The following UBXN7 variants were observed in gnomAD, a reference collection of about 807,000 sequenced individuals.
UBXN7 encodes UBX domain-containing protein 7.
Under a neutral mutation model 58.0 loss-of-function variants are expected in UBXN7, and 9 were observed. The observed-to-expected ratio is 0.16, with a 90% CI of 0.09 to 0.27. The LOEUF is 0.27. Ranked by LOEUF, UBXN7 falls within the 10% of genes least tolerant of loss-of-function variation. The pLI, the probability that UBXN7 is intolerant of heterozygous loss-of-function variation, is 1.00. For synonymous variants in UBXN7, 208 were observed against 205.0 expected, an observed-to-expected ratio of 1.01 and a Z score of -0.12; for missense variants, 328 against 599.6, an observed-to-expected ratio of 0.55 and a Z score of 4.73.
At chr3:196,422,489 A>G (rs1730719868) in intron 1 of UBXN7, among the ~76,000 whole-genome samples, 1 of 152,032 alleles carries the variant, frequency 6.6e-6, no homozygotes, top group Admixed American at 6.6e-5. Context: ...CAAAAGAAAA[A>G]AAAAAAAGAC....
At chr3:196,396,413 AAT>A (rs1346919192) in intron 3 of UBXN7, among the ~76,000 whole-genome samples, 1 of 145,378 alleles carries the variant, frequency 6.9e-6, no homozygotes, top group East Asian at 2.3e-4. Context: ...AAAAAAAAAA[AAT>A]TAACTTTTTA....
chr3:196,383,571 CA>C (rs1208339966), intron 5 of UBXN7, among the ~76,000 whole-genome samples: 1 of 152,086 alleles, frequency 6.6e-6, no homozygotes, highest in Non-Finnish European at 1.5e-5. Flanking sequence ...TCAGCAAATG[CA>C]AAAGAACAGA....
At chr3:196,367,283 T>G (rs1728698268) in intron 8 of UBXN7, among the ~76,000 whole-genome samples, 1 of 152,162 alleles carries the variant, frequency 6.6e-6, no homozygotes, top group Non-Finnish European at 1.5e-5. Flanking sequence ...TTGCTGTATC[T>G]TTGCAAGTTC....
intron 1 of UBXN7, among the ~76,000 whole-genome samples, chr3:196,418,631 C>A (rs1372845529): frequency 1.3e-5 from 2 of 152,174 alleles, no homozygotes; most frequent in Admixed American, 6.5e-5. Flanking sequence ...TCCAGTGTGA[C>A]TGAGAAGCAC....
intron 5 of UBXN7, among the ~76,000 whole-genome samples, chr3:196,376,595 G>A (rs1214420011): frequency 6.8e-6 from 1 of 146,392 alleles, no homozygotes; most frequent in Admixed American, 6.8e-5. Context: ...GGAAAAATTA[G>A]TTACTAACTA....
chr3:196,363,969 A>G (rs1728584664), intron 8 of UBXN7, among the ~76,000 whole-genome samples: 1 of 152,118 alleles, frequency 6.6e-6, no homozygotes. Context: ...AAGTTTATCT[A>G]TTACCTGCCT....
At chr3:196,406,798 A>C (rs1262551578) in intron 2 of UBXN7, among the ~76,000 whole-genome samples, 1 of 152,180 alleles carries the variant, frequency 6.6e-6, no homozygotes, top group African/African-American at 2.4e-5. Flanking sequence ...AATGTAGAAA[A>C]ACCTAAAATT....
intron 5 of UBXN7, among the ~76,000 whole-genome samples, chr3:196,381,527 G>A (rs1577447923): frequency 6.6e-6 from 1 of 152,296 alleles, no homozygotes; most frequent in African/African-American, 2.4e-5. Flanking sequence ...CGCAAAGATG[G>A]GGAGAAACCA....
chr3:196,360,141 A>C (rs1194695526), intron 10 of UBXN7, among the ~76,000 whole-genome samples: 2 of 152,252 alleles, frequency 1.3e-5, no homozygotes, highest in Non-Finnish European at 2.9e-5. Context: ...GAAGGAAAGA[A>C]GCCATCTCCA....
intron 5 of UBXN7, among the ~76,000 whole-genome samples, chr3:196,378,784 G>T (rs1309906480): frequency 4.0e-5 from 6 of 150,866 alleles, no homozygotes; most frequent in East Asian, 2.0e-4. Context: ...TTGGTTTTGG[G>T]GGGTTTTAGC....
At chr3:196,380,459 T>A (rs1050869256) in intron 5 of UBXN7, among the ~76,000 whole-genome samples, 1 of 152,220 alleles carries the variant, frequency 6.6e-6, no homozygotes, top group Non-Finnish European at 1.5e-5. Context: ...ATCATCCTAA[T>A]AGCCTGGACT....
chr3:196,385,935 AG>A (rs1156695419), intron 5 of UBXN7, among the ~76,000 whole-genome samples: 9 of 152,170 alleles, frequency 5.9e-5, no homozygotes, highest in Non-Finnish European at 1.0e-4. Context: ...GTCGAATAGA[AG>A]GGGGGGAAAT....
intron 5 of UBXN7, among the ~76,000 whole-genome samples, chr3:196,386,380 TAAAAAA>T (rs34268326): frequency 1.7e-5 from 1 of 57,760 alleles, no homozygotes; most frequent in Admixed American, 2.2e-4. Context: ...TAATAAACAC[TAAAAAA>T]AAAAAAAAAA....
At position 196,349,981 on chromosome 3, in the gene UBXN7, G is replaced by C. The variant is rs1728174955; in HGVS notation, c.*6704C>G. On this transcript the variant is annotated 3_prime_UTR_variant, in exon 11 of 11. Transcript: ENST00000296328. ...CCAGAGTATTGTGATCTCTAGAGAG[G>C]AAATACAATTAAACAATAAAAACTT... 6.6e-6 allele frequency: 1 copy of C among 152,124 alleles called. No homozygotes were observed. The highest frequency in any genetic ancestry group is 1.5e-5 in the Non-Finnish European group (1 of 68,012). The allele number at this position is 152,124 out of a possible 1,614,324, so 9.4% of individuals were successfully genotyped here.
chr3:196,431,855 G>A, intron 1 of UBXN7: 3 of 378,306 alleles, frequency 7.9e-6, no homozygotes, highest in South Asian at 3.7e-5. Flanking sequence ...GGCCCAGAAA[G>A]GGGAAGGGCA....
rs572114546 is a variant in UBXN7, at chr3:196,429,602, TA to T, written c.73+2724del. Among the ~76,000 whole-genome samples the T allele has an allele frequency of 1.6e-3, 245 of 152,278 alleles. 3 individuals are homozygous for T. The highest frequency in any genetic ancestry group is 0.014 in the South Asian group (66 of 4,824). On this transcript the variant is annotated intron_variant, in intron 1 of 10. Transcript: ENST00000296328. ...ACCTTTGTGAAATCAGAGCATAAGCTATTAAGGTCACTAAAATAAATATAAA... is the reference window on the plus strand; with the variant it reads ...ACCTTTGTGAAATCAGAGCATAAGCTTTAAGGTCACTAAAATAAATATAAA...
intron 2 of UBXN7, among the ~76,000 whole-genome samples, chr3:196,404,911 TGA>T (rs1282602589): frequency 6.6e-6 from 1 of 152,164 alleles, no homozygotes; most frequent in Non-Finnish European, 1.5e-5. Context: ...CCTAGCATTT[TGA>T]GAGGCCAAGG....
At position 196,348,686 on chromosome 3, in the gene UBXN7, T is replaced by A. The variant is rs1171248716; in HGVS notation, c.*7999A>T. The A allele has an allele frequency of 6.6e-6, 1 of 151,766 alleles. No individual in the cohort carries two copies. The highest frequency in any genetic ancestry group is 1.9e-4 in the East Asian group (1 of 5,164). 9.4% of individuals were successfully genotyped at this position (151,766 alleles called of 1,614,324 possible). On this transcript the variant is annotated 3_prime_UTR_variant, in exon 11 of 11. Coordinates refer to ENST00000296328, the MANE Select transcript of UBXN7 (RefSeq NM_015562.2). ...CATCCCTATCCCCCTAGAAATTTCA[T>A]TCCTTGATTAACTTCTCTGAGTAAG...
At chr3:196,378,756 A>G (rs1375268511) in intron 5 of UBXN7, among the ~76,000 whole-genome samples, 2 of 151,896 alleles carry the variant, frequency 1.3e-5, no homozygotes, top group Non-Finnish European at 2.9e-5. Context: ...GGGGGATTTT[A>G]GCCAGCTTCT....
Sources: gnomAD v4.1 joint callset for allele counts (sites outside exome capture counted in the v4.1 genomes callset) on GRCh38, gnomAD v4.1.1 for gene constraint, MANE v1.5 for transcripts, NCBI Gene and HGNC (gene_info 2026-07-23, HGNC 2026-07-21) for gene names.